Variants in LHFPL3 observed in about 807,000 individuals in gnomAD.
LHFPL3 encodes the protein LHFPL tetraspan subfamily member 3 protein.
LHFPL3 carries 5 observed loss-of-function variants against 19.3 expected under a neutral mutation model. That is an observed-to-expected ratio of 0.26 (90% confidence interval 0.14 to 0.54). LHFPL3 has a LOEUF of 0.54. LHFPL3 is among the 20% of genes least tolerant of loss of function. The pLI, the probability that LHFPL3 is intolerant of heterozygous loss-of-function variation, is 0.94. For missense variants in LHFPL3, 249 were observed against 307.4 expected (o/e 0.81, Z 1.42); for synonymous variants, 133 against 126.2 (o/e 1.05, Z -0.36).
chr7:104,417,120 T>C (rs1791637424), intron 1 of LHFPL3, among the ~76,000 whole-genome samples: 1 of 152,220 alleles, frequency 6.6e-6, no homozygotes, highest in Admixed American at 6.5e-5. Context: ...TTCCATTACG[T>C]TGATGTCTTT....
At chr7:104,333,479 G>C (rs1051907828) in intron 1 of LHFPL3, among the ~76,000 whole-genome samples, 4 of 152,160 alleles carry the variant, frequency 2.6e-5, no homozygotes, top group African/African-American at 7.2e-5. Flanking sequence ...ATCATTCTGA[G>C]TGTACCAGCA....
At chr7:104,736,303 T>G (rs960739564) in intron 1 of LHFPL3, among the ~76,000 whole-genome samples, 1 of 152,228 alleles carries the variant, frequency 6.6e-6, no homozygotes, top group Non-Finnish European at 1.5e-5. Flanking sequence ...ATTGTTATTT[T>G]GCAGTGTTAT....
At chr7:104,804,418 C>T (rs1790314637) in intron 2 of LHFPL3, among the ~76,000 whole-genome samples, 1 of 152,068 alleles carries the variant, frequency 6.6e-6, no homozygotes, top group South Asian at 2.1e-4. Flanking sequence ...GATGGGCAAA[C>T]TCTAGATGAC....
chr7:104,805,634 C>A (rs1320406897), intron 2 of LHFPL3, among the ~76,000 whole-genome samples: 1 of 152,208 alleles, frequency 6.6e-6, no homozygotes, highest in Non-Finnish European at 1.5e-5. Context: ...CTAAAGGAGG[C>A]TTCACAGAGC....
rs1462103764 is a variant in LHFPL3, at chr7:104,724,310, G to A, written c.446-12365G>A. ...ATTAAATATACTAAGCTTTTGGGGC[G>A]TTAACCTTTCAGAAACAGAATAAAA... On this transcript the variant is annotated intron_variant, in intron 1 of 2. Coordinates refer to ENST00000424859, the MANE Select transcript of LHFPL3 (RefSeq NM_199000.3). Among the ~76,000 whole-genome samples, 8 of 152,156 alleles carry A rather than the reference G, an allele frequency of 5.3e-5. 1 individual carries two copies. The South Asian group carries it at 8.3e-4, about 16-fold the overall frequency.
chr7:104,430,386 A>ATGTATATG (rs1200869852), intron 1 of LHFPL3, among the ~76,000 whole-genome samples: 3 of 41,970 alleles, frequency 7.1e-5, no homozygotes, highest in South Asian at 7.8e-4. Context: ...ATATATACAT[A>ATGTATATG]TATATATATA....
chr7:104,478,536 C>T (rs144190515), intron 1 of LHFPL3, among the ~76,000 whole-genome samples: 123 of 152,282 alleles, frequency 8.1e-4, no homozygotes, highest in East Asian at 5.2e-3. Flanking sequence ...ACAAGCAAAG[C>T]CTTGAGCTCA....
rs201197478 is a variant in LHFPL3 at position 104,558,795 on chromosome 7, G to A, written c.446-177880G>A. On this transcript the variant is annotated intron_variant, in intron 1 of 2. Transcript: ENST00000424859. ...ATGGTATTGCCTAGGTTTTCTTCTA[G>A]GGTTTTTATGGTTTTAGGTCTAACG... 3.0e-3 allele frequency among the ~76,000 whole-genome samples: 440 copies of A among 146,066 alleles called. 18 individuals carry two copies. In the East Asian group the frequency reaches 0.075, roughly 25 times the overall value.
intron 2 of LHFPL3, among the ~76,000 whole-genome samples, chr7:104,859,269 A>T (rs1455255484): frequency 2.0e-5 from 3 of 151,574 alleles, no homozygotes; most frequent in Non-Finnish European, 4.4e-5. Flanking sequence ...ACTGTCTCAA[A>T]AAAAAAAAAA....
chr7:104,328,746 C>CAGGAGGAGGAGGACCAGG lies in LHFPL3; in HGVS notation c.-21_-20insCCAGGAGGAGGAGGAGGA, dbSNP rs1554375304. On this transcript the variant is annotated 5_prime_UTR_variant, in exon 1 of 3. Transcript: ENST00000424859. The surrounding 1 kb of genome is among the most constrained non-coding windows in gnomAD (Gnocchi z 4.6). ...TGAGAGGCGGGGGGAGGCGGAGGAC[C>CAGGAGGAGGAGGACCAGG]AGGAGGAGGAGGAGGAGGAGGAGGA... 3.0e-5 allele frequency: 44 copies of CAGGAGGAGGAGGACCAGG among 1,490,088 alleles called. No homozygotes were observed. The South Asian group carries it at 5.0e-4, about 17-fold the overall frequency. The allele number at this position is 1,490,088 out of a possible 1,614,324, so 92.3% of individuals were successfully genotyped here. A position where few individuals can be genotyped will look rare whatever the true frequency, so the allele number is the denominator to read the frequency against.
intron 1 of LHFPL3, among the ~76,000 whole-genome samples, chr7:104,616,435 A>G (rs553819551): frequency 6.6e-6 from 1 of 152,338 alleles, no homozygotes; most frequent in African/African-American, 2.4e-5. Flanking sequence ...GGCTAGCCAT[A>G]TGCAGAAAAC....
In LHFPL3 at chr7:104,659,797, T is replaced by C. The variant is rs75224110; in HGVS notation, c.446-76878T>C. The stretch of plus-strand genomic sequence containing the variant: ...CAAGCTTAGCTGCTACTGTAGAAGG[T>C]TGTCTTGCTTTAATCTGGCTTAACC... On this transcript the variant is annotated intron_variant, in intron 1 of 2. Coordinates refer to ENST00000424859, the MANE Select transcript of LHFPL3 (RefSeq NM_199000.3). 5.2e-3 allele frequency among the ~76,000 whole-genome samples: 788 copies of C among 152,176 alleles called. 44 individuals carry two copies. In the East Asian group the frequency reaches 0.11, roughly 22 times the overall value.
chr7:104,507,583 G>T (rs1424632797), intron 1 of LHFPL3, among the ~76,000 whole-genome samples: 1 of 101,062 alleles, frequency 9.9e-6, no homozygotes, highest in Non-Finnish European at 2.1e-5. Flanking sequence ...AAAAGCAATG[G>T]CAACAAAAGC....
intron 2 of LHFPL3, among the ~76,000 whole-genome samples, chr7:104,863,042 TC>T: frequency 6.6e-6 from 1 of 152,326 alleles, no homozygotes; most frequent in Non-Finnish European, 1.5e-5. Flanking sequence ...GCTGGAGTGA[TC>T]CTGTGTTAAT....
Position 104,840,789 on chromosome 7 carries a change from G to GA in LHFPL3, c.683-65394dup, listed in dbSNP as rs567766110. 2.4e-4 allele frequency among the ~76,000 whole-genome samples: 36 copies of GA among 152,138 alleles called. 1 individual carries two copies. In the East Asian group the frequency reaches 6.8e-3, roughly 29 times the overall value. On this transcript the variant is annotated intron_variant, in intron 2 of 2. Coordinates refer to ENST00000424859, the MANE Select transcript of LHFPL3 (RefSeq NM_199000.3). ...AGAACCCAAATTCCCAGGGTTTAGT[G>GA]AAAATCACCCAAATAAAAAATACTC...
intron 1 of LHFPL3, among the ~76,000 whole-genome samples, chr7:104,508,830 T>TA (rs1319716349): frequency 6.6e-6 from 1 of 151,526 alleles, no homozygotes; most frequent in Non-Finnish European, 1.5e-5. Flanking sequence ...AGAGCTGTGT[T>TA]TTTTTTAAAG....
chr7:104,531,561 C>A (rs1022724339), intron 1 of LHFPL3, among the ~76,000 whole-genome samples: 1 of 152,104 alleles, frequency 6.6e-6, no homozygotes, highest in Non-Finnish European at 1.5e-5. Context: ...AAGACCCCTA[C>A]AAAGAAAGCC....
chr7:104,694,706 T>A (rs1337467623), intron 1 of LHFPL3, among the ~76,000 whole-genome samples: 1 of 152,098 alleles, frequency 6.6e-6, no homozygotes, highest in East Asian at 1.9e-4. Context: ...AAGGCCAGTA[T>A]CATACAGGCA....
intron 1 of LHFPL3, among the ~76,000 whole-genome samples, chr7:104,582,557 G>T (rs879297496): frequency 6.6e-6 from 1 of 151,986 alleles, no homozygotes; most frequent in Non-Finnish European, 1.5e-5. Context: ...TAGGGAGAAA[G>T]TATCAATATT....
Sources: allele counts gnomAD v4.1 joint callset (sites outside exome capture counted in the v4.1 genomes callset), GRCh38; gene constraint gnomAD v4.1.1; non-coding constraint Gnocchi (gnomAD v3.1); transcripts MANE v1.5; gene names NCBI Gene and HGNC (gene_info 2026-07-23, HGNC 2026-07-21).